Variants in PPFIA2 observed in about 807,000 individuals in gnomAD.
PPFIA2 encodes the protein PPFI scaffold protein A2.
Under a neutral mutation model 175.5 loss-of-function variants are expected in PPFIA2, and 46 were observed. The observed-to-expected ratio is 0.26, with a 90% CI of 0.21 to 0.34. PPFIA2 has a LOEUF of 0.34. Ranked by LOEUF, PPFIA2 falls within the 10% of genes least tolerant of loss-of-function variation. PPFIA2 has a pLI of 1.00. For missense variants in PPFIA2, 1,179 were observed against 1,506.1 expected (o/e 0.78, Z 3.60); for synonymous variants, 568 against 511.4 (o/e 1.11, Z -1.49).
chr12:81,614,510 G>C (rs1037315490), intron 4 of PPFIA2, among the ~76,000 whole-genome samples: 2 of 151,008 alleles, frequency 1.3e-5, no homozygotes, highest in Admixed American at 6.6e-5. Context: ...AGATGAGAAA[G>C]ATTATTGGTT....
At chr12:81,699,259 T>C (rs907882317) in intron 3 of PPFIA2, among the ~76,000 whole-genome samples, 44 of 151,998 alleles carry the variant, frequency 2.9e-4, no homozygotes, top group African/African-American at 9.4e-4. Context: ...TCTATAGGGG[T>C]TTAAAAGTTT....
intron 3 of PPFIA2, among the ~76,000 whole-genome samples, chr12:81,694,836 G>A (rs939190615): frequency 6.6e-6 from 1 of 152,186 alleles, no homozygotes; most frequent in Non-Finnish European, 1.5e-5. Flanking sequence ...CAAAGACACA[G>A]AAGTGGAGCT....
At chr12:81,589,165 A>G (rs532357486) in intron 4 of PPFIA2, among the ~76,000 whole-genome samples, 3 of 152,190 alleles carry the variant, frequency 2.0e-5, no homozygotes, top group East Asian at 1.9e-4. Context: ...TGAATTAACA[A>G]TGAGAATAAG....
chr12:81,407,551 C>T (rs913228304), intron 7 of PPFIA2, among the ~76,000 whole-genome samples: 1 of 149,760 alleles, frequency 6.7e-6, no homozygotes, highest in Non-Finnish European at 1.5e-5. Context: ...GTTAAAAAAA[C>T]CTAAAGTTTT....
chr12:81,757,892 A>C (rs549507095), intron 2 of PPFIA2, among the ~76,000 whole-genome samples: 90 of 152,324 alleles, frequency 5.9e-4, no homozygotes, highest in Admixed American at 1.4e-3. Flanking sequence ...GAAAACATTT[A>C]GTCTTAAGAA....
chr12:81,666,777 G>T lies in PPFIA2; in HGVS notation c.303+10014C>A, dbSNP rs191050629. On this transcript the variant is annotated intron_variant, in intron 4 of 32. Coordinates refer to ENST00000549396, the MANE Select transcript of PPFIA2 (RefSeq NM_003625.5). ...AAAGTATAATAAAAAATAAAAAAAA[G>T]AAAAAGAAATAGAGGCACAAAGAAG... is the stretch of plus-strand genomic sequence containing the variant. 4.6e-3 allele frequency among the ~76,000 whole-genome samples: 702 copies of T among 151,898 alleles called. 4 individuals are homozygous for T. The highest frequency in any genetic ancestry group is 7.1e-3 in the Non-Finnish European group (485 of 67,890).
chr12:81,349,379 C>T (rs1052690251), intron 17 of PPFIA2, among the ~76,000 whole-genome samples: 5 of 152,140 alleles, frequency 3.3e-5, no homozygotes, highest in Non-Finnish European at 7.4e-5. Context: ...CACATTTACA[C>T]TTAATTATAA....
chr12:81,741,467 T>C (rs1229904110), intron 3 of PPFIA2, among the ~76,000 whole-genome samples: 1 of 152,150 alleles, frequency 6.6e-6, no homozygotes, highest in Non-Finnish European at 1.5e-5. Context: ...AGCTAAATGC[T>C]AGATATTGGA....
At chr12:81,712,367 C>T (rs2078050725) in intron 3 of PPFIA2, among the ~76,000 whole-genome samples, 1 of 150,972 alleles carries the variant, frequency 6.6e-6, no homozygotes, top group Non-Finnish European at 1.5e-5. Context: ...TGATATGTTC[C>T]AAAGAGAACC....
chr12:81,576,284 T>A (rs1451903661), intron 4 of PPFIA2, among the ~76,000 whole-genome samples: 2 of 151,732 alleles, frequency 1.3e-5, no homozygotes, highest in Non-Finnish European at 2.9e-5. Flanking sequence ...GATAAAGAGA[T>A]GTTAGCCAGA....
rs200925492 is a variant in PPFIA2, at chr12:81,676,828, G to C, written c.266C>G (p.Thr89Arg). 243 of 1,563,512 alleles carry C rather than the reference G, an allele frequency of 1.6e-4. 1 individual carries two copies. The highest frequency in any genetic ancestry group is 1.5e-3 in the Middle Eastern group (9 of 5,920). Residue 89 changes from threonine (T) to arginine (R), a missense_variant, in exon 4 of 33, where the codon ACA becomes AGA. By Grantham distance (71) the Thr-to-Arg change is moderately conservative. This residue lies in a region of PPFIA2 where 128 missense variants were observed against 141.4 expected (regional missense o/e 0.91). Coordinates refer to ENST00000549396, the MANE Select transcript of PPFIA2 (RefSeq NM_003625.5). ...CCCCTTAGAACCAGCCAGCCCTCCT[G>C]TTAGGGATTCGATATCCTGAAAAGG... ...SALPQDIESL[T>R]GGLAGSKGAD...
chr12:81,315,586 G>T (rs887512028), intron 22 of PPFIA2, among the ~76,000 whole-genome samples: 1 of 151,772 alleles, frequency 6.6e-6, no homozygotes, highest in Non-Finnish European at 1.5e-5. Context: ...GAATTGGTAA[G>T]TTTGAAAGAA....
chr12:81,530,575 C>A (rs2064371324), intron 4 of PPFIA2, among the ~76,000 whole-genome samples: 1 of 151,610 alleles, frequency 6.6e-6, no homozygotes, highest in Non-Finnish European at 1.5e-5. Context: ...CGAAGTGTGG[C>A]AACTGGAATG....
chr12:81,559,894 C>T (rs1017190254), intron 4 of PPFIA2, among the ~76,000 whole-genome samples: 2 of 151,612 alleles, frequency 1.3e-5, no homozygotes, highest in Non-Finnish European at 2.9e-5. Context: ...AATAAATTAA[C>T]ATCCTATCTC....
intron 4 of PPFIA2, among the ~76,000 whole-genome samples, chr12:81,572,570 A>G (rs1035585373): frequency 6.6e-6 from 1 of 152,038 alleles, no homozygotes; most frequent in Non-Finnish European, 1.5e-5. Context: ...TAAACTTTAG[A>G]ATAAATGTAG....
intron 7 of PPFIA2, among the ~76,000 whole-genome samples, chr12:81,411,896 T>G (rs2044036647): frequency 6.6e-6 from 1 of 152,172 alleles, no homozygotes; most frequent in South Asian, 2.1e-4. Context: ...TGAGGTATAA[T>G]TTGATTACAA....
At chr12:81,523,549 A>T (rs1339915725) in intron 4 of PPFIA2, among the ~76,000 whole-genome samples, 3 of 152,028 alleles carry the variant, frequency 2.0e-5, no homozygotes, top group Admixed American at 6.6e-5. Context: ...ATTATTGAAT[A>T]CTCCATCCTT....
chr12:81,633,290 G>T (rs2063604244), intron 4 of PPFIA2, among the ~76,000 whole-genome samples: 1 of 152,098 alleles, frequency 6.6e-6, no homozygotes, highest in Non-Finnish European at 1.5e-5. Flanking sequence ...GTAGCCTGCA[G>T]AGAGGCTTAG....
chr12:81,598,094 G>T, intron 4 of PPFIA2: 1 of 1,532,358 alleles, frequency 6.5e-7, no homozygotes. Flanking sequence ...AGAGCTTAGC[G>T]TACAGATAAA....
Sources: allele counts gnomAD v4.1 joint callset (sites outside exome capture counted in the v4.1 genomes callset), GRCh38; gene constraint gnomAD v4.1.1; regional missense constraint gnomAD v4.1.1; transcripts MANE v1.5; gene names NCBI Gene and HGNC (gene_info 2026-07-23, HGNC 2026-07-21).